PDE11A: variants seen among roughly 807,000 people sequenced by gnomAD.
PDE11A encodes dual 3',5'-cyclic-AMP and -GMP phosphodiesterase 11A.
In PDE11A, 100 loss-of-function variants were observed where a neutral mutation model predicts 100.5. The ratio of observed to expected loss-of-function variants is 1.00; its 90% CI spans 0.85 to 1.18. PDE11A has a LOEUF of 1.18. PDE11A is among the 50% of genes most tolerant of loss of function. The pLI is 0.00. For synonymous variants in PDE11A, 381 were observed against 420.8 expected (o/e 0.91, Z 1.16); for missense variants, 1,141 against 1,152.6 (o/e 0.99, Z 0.15).
intron 9 of PDE11A, among the ~76,000 whole-genome samples, chr2:177,791,406 A>T (rs1170084731): frequency 1.2e-4 from 11 of 88,424 alleles, no homozygotes; most frequent in East Asian, 3.9e-4. Context: ...GGGAGGGGGG[A>T]GGGATAGCAT....
intron 19 of PDE11A, among the ~76,000 whole-genome samples, chr2:177,660,804 T>C (rs1382495672): frequency 6.6e-6 from 1 of 152,248 alleles, no homozygotes; most frequent in Non-Finnish European, 1.5e-5. Flanking sequence ...ATCTATTTGA[T>C]ATTTGACAAG....
chr2:177,772,795 T>A (rs546593580), intron 9 of PDE11A, among the ~76,000 whole-genome samples: 2 of 152,292 alleles, frequency 1.3e-5, no homozygotes, highest in East Asian at 3.9e-4. Context: ...GATTAAGACT[T>A]TTGCTCATTT....
chr2:177,915,116 AAC>A (rs2084933934), intron 2 of PDE11A, among the ~76,000 whole-genome samples: 1 of 152,198 alleles, frequency 6.6e-6, no homozygotes, highest in African/African-American at 2.4e-5. Context: ...GACCCTGCCC[AAC>A]ACACAGTTTC....
At position 177,825,170 on chromosome 2, in the gene PDE11A, G is replaced by A. The variant is rs75244072; in HGVS notation, c.1501-4875C>T. On this transcript the variant is annotated intron_variant, in intron 6 of 19. Transcript: ENST00000286063. ...TCAAGGGAAGAAAGGATGTGATCAG[G>A]AATAAAAGTCAAGTGGTTAGTCCTG... Among the ~76,000 whole-genome samples, 95 of 152,290 alleles carry A rather than the reference G, an allele frequency of 6.2e-4. 1 individual carries two copies. The highest frequency in any genetic ancestry group is 1.9e-3 in the African/African-American group (81 of 41,558).
chr2:177,847,450 A>G (rs987599274), intron 5 of PDE11A, among the ~76,000 whole-genome samples: 3 of 152,206 alleles, frequency 2.0e-5, no homozygotes, highest in Non-Finnish European at 4.4e-5. Context: ...ACCAAGATAG[A>G]GACTCACTGC....
chr2:177,759,249 A>C (rs1024258610), intron 10 of PDE11A, among the ~76,000 whole-genome samples: 1 of 152,072 alleles, frequency 6.6e-6, no homozygotes, highest in Non-Finnish European at 1.5e-5. Flanking sequence ...AGAATAGCTA[A>C]AATTTCTGAA....
intron 2 of PDE11A, among the ~76,000 whole-genome samples, chr2:178,099,148 A>G (rs2087530887): frequency 6.6e-6 from 1 of 152,232 alleles, no homozygotes; most frequent in African/African-American, 2.4e-5. Context: ...CAGTACGGCC[A>G]GGAACAGTGG....
At chr2:177,710,353 G>A in intron 13 of PDE11A, among the ~76,000 whole-genome samples, 1 of 151,600 alleles carries the variant, frequency 6.6e-6, no homozygotes, top group Non-Finnish European at 1.5e-5. Flanking sequence ...GTGATCTGCT[G>A]AGTGGTGCGG....
intron 3 of PDE11A, among the ~76,000 whole-genome samples, chr2:177,902,442 G>A (rs2084712123): frequency 6.6e-6 from 1 of 152,220 alleles, no homozygotes; most frequent in African/African-American, 2.4e-5. Flanking sequence ...TCACACGGAT[G>A]TGTGTGACAA....
chr2:177,904,974 A>G, intron 3 of PDE11A, 124 bp downstream of exon 3: 1 of 711,438 alleles, frequency 1.4e-6, no homozygotes, highest in South Asian at 1.5e-5. Context: ...GCAGAATTAT[A>G]CAAATAAAAA....
chr2:177,926,565 A>G (rs1401695287), intron 2 of PDE11A, among the ~76,000 whole-genome samples: 1 of 152,216 alleles, frequency 6.6e-6, no homozygotes, highest in Non-Finnish European at 1.5e-5. Context: ...TATGAAGCAC[A>G]CAAATAAGAG....
chr2:177,987,707 C>T (rs2085956687), intron 2 of PDE11A, among the ~76,000 whole-genome samples: 1 of 152,144 alleles, frequency 6.6e-6, no homozygotes, highest in South Asian at 2.1e-4. Flanking sequence ...AAATTGGGGT[C>T]AACTCTCTTC....
intron 1 of PDE11A, among the ~76,000 whole-genome samples, chr2:178,034,163 A>C (rs2086581282): frequency 6.6e-6 from 1 of 152,220 alleles, no homozygotes; most frequent in African/African-American, 2.4e-5. Flanking sequence ...TCTCACGTGC[A>C]AAGACACATA....
chr2:178,016,949 G>A (rs1463552487), intron 1 of PDE11A, among the ~76,000 whole-genome samples: 1 of 152,174 alleles, frequency 6.6e-6, no homozygotes, highest in African/African-American at 2.4e-5. Context: ...TCTTGAAGCA[G>A]AAGAATAGCA....
chr2:177,831,950 T>C (rs1442813900), intron 6 of PDE11A, among the ~76,000 whole-genome samples: 1 of 152,164 alleles, frequency 6.6e-6, no homozygotes, highest in Admixed American at 6.5e-5. Context: ...GTGGGTTGCA[T>C]AGGCTTGGGC....
intron 9 of PDE11A, among the ~76,000 whole-genome samples, chr2:177,777,559 TCCA>T (rs902240277): frequency 1.3e-5 from 2 of 152,176 alleles, no homozygotes; most frequent in Non-Finnish European, 2.9e-5. Flanking sequence ...GTTAGTTTCC[TCCA>T]CAATTCCAAA....
In PDE11A at chr2:177,675,531, A is replaced by G. The variant is rs1405867279; in HGVS notation, c.2424-13T>C. 1.2e-6 allele frequency: 2 copies of G among 1,607,244 alleles called. No individual in the cohort carries two copies. The highest frequency in any genetic ancestry group is 1.7e-5 in the Admixed American group (1 of 59,956). Reference sequence around the variant, plus strand: ...CATTAACATTGATCTGAAAAACAGAACCAAACAAAACAGCCTGAATAATCT... The same window carrying G: ...CATTAACATTGATCTGAAAAACAGAGCCAAACAAAACAGCCTGAATAATCT... On this transcript the variant is annotated splice_polypyrimidine_tract_variant and intron_variant, in intron 16 of 19. Transcript: ENST00000286063.
intron 2 of PDE11A, among the ~76,000 whole-genome samples, chr2:177,952,058 ACCT>A (rs996240753): frequency 4.0e-5 from 6 of 151,710 alleles, no homozygotes. Flanking sequence ...TTCTTAACTC[ACCT>A]CCTGCCACTT....
At chr2:177,999,165 T>G (rs1423287594) in intron 2 of PDE11A, among the ~76,000 whole-genome samples, 2 of 152,058 alleles carry the variant, frequency 1.3e-5, no homozygotes, top group Non-Finnish European at 2.9e-5. Context: ...CAATGGACAT[T>G]TATAGGTTCA....
Sources: gnomAD v4.1 joint callset for allele counts (sites outside exome capture counted in the v4.1 genomes callset) on GRCh38, gnomAD v4.1.1 for gene constraint, MANE v1.5 for transcripts, NCBI Gene and HGNC (gene_info 2026-07-23, HGNC 2026-07-21) for gene names.